TNRC6C: variants seen among roughly 807,000 people sequenced by gnomAD.
TNRC6C encodes the protein trinucleotide repeat-containing gene 6C protein.
Under a neutral mutation model 153.7 loss-of-function variants are expected in TNRC6C, and 20 were observed. The ratio of observed to expected loss-of-function variants is 0.13; its 90% confidence interval spans 0.09 to 0.19. The LOEUF (loss-of-function observed/expected upper bound fraction) is 0.19, where lower values mean the gene tolerates loss of function less well. TNRC6C is among the 10% of genes least tolerant of loss of function. TNRC6C has a pLI of 1.00. For missense variants in TNRC6C, 1,987 were observed against 2,172.0 expected (o/e 0.91, Z 1.69); for synonymous variants, 811 against 841.4 (o/e 0.96, Z 0.63).
chr17:78,068,981 G>A (rs1011128455), intron 5 of TNRC6C, among the ~76,000 whole-genome samples: 1 of 151,986 alleles, frequency 6.6e-6, no homozygotes, highest in African/African-American at 2.4e-5. Flanking sequence ...ATGAAAACAT[G>A]AAAGAACATT....
intron 5 of TNRC6C, among the ~76,000 whole-genome samples, chr17:78,070,660 C>T (rs1483761069): frequency 6.6e-6 from 1 of 152,106 alleles, no homozygotes; most frequent in African/African-American, 2.4e-5. Context: ...TGCCTCTTTA[C>T]TCATTGGAAT....
In TNRC6C at chr17:77,980,857, TG is replaced by T. The variant is rs374677898; in HGVS notation, c.-38+21595del. Among the ~76,000 whole-genome samples the T allele has an allele frequency of 8.6e-3, 1,309 of 152,280 alleles. 13 individuals are homozygous for T. Among genetic ancestry groups the T allele is most frequent in the South Asian group, 0.037 (180 of 4,826 alleles). Reference sequence around the variant, plus strand: ...ATGAAGAAATGCCTAGAACAAGGTATGGGGGGTGGGTGCTTCCATGCCCTCT... The same window carrying T: ...ATGAAGAAATGCCTAGAACAAGGTATGGGGGTGGGTGCTTCCATGCCCTCT... On this transcript the variant is annotated intron_variant, in intron 1 of 22. Coordinates refer to the TNRC6C transcript ENST00000636222.
chr17:78,061,070 T>A (rs968387078), intron 3 of TNRC6C, among the ~76,000 whole-genome samples: 1 of 152,208 alleles, frequency 6.6e-6, no homozygotes, highest in African/African-American at 2.4e-5. Context: ...AAACTACATA[T>A]CCTGGCTGTG....
intron 16 of TNRC6C, 58 bp from the exon 19 acceptor site, chr17:78,097,687 A>T: frequency 1.6e-6 from 2 of 1,241,140 alleles, no homozygotes; most frequent in Non-Finnish European, 2.2e-6. Context: ...CCCCACAGTT[A>T]GAGTCATGAA....
At chr17:78,091,583 C>G (rs764328133) in exon 14 of TNRC6C, 1 of 1,574,248 alleles carries the variant, frequency 6.4e-7, no homozygotes, top group East Asian at 2.4e-5. Context: ...CGCTTCCCCC[C>G]TGGAGCAGAA....
chr17:77,959,802 C>T (rs1354422218), intron 1 of TNRC6C, among the ~76,000 whole-genome samples: 1 of 152,142 alleles, frequency 6.6e-6, no homozygotes, highest in Non-Finnish European at 1.5e-5. Context: ...GGAAAACGAG[C>T]CGTACAACAT....
upstream of TNRC6C, among the ~76,000 whole-genome samples, chr17:77,958,030 G>GC (rs148567329): frequency 0.013 from 2,013 of 152,332 alleles, 39 homozygotes; most frequent in African/African-American, 0.046. Flanking sequence ...GCGACTGAGC[G>GC]CAAGGGCGGG....
chr17:78,103,552 A>G, exon 19 of TNRC6C: 3 of 1,613,930 alleles, frequency 1.9e-6, no homozygotes, highest in Non-Finnish European at 2.5e-6. Context: ...GTCTCTGCAC[A>G]TGTATGTTTT....
At chr17:78,021,848 G>A (rs1279785613) in intron 1 of TNRC6C, among the ~76,000 whole-genome samples, 1 of 152,176 alleles carries the variant, frequency 6.6e-6, no homozygotes, top group Non-Finnish European at 1.5e-5. Flanking sequence ...GGGATTAAAG[G>A]TGTGAGCCAC....
intron 11 of TNRC6C, among the ~76,000 whole-genome samples, chr17:78,084,733 A>G (rs755734413): frequency 6.6e-6 from 1 of 151,564 alleles, no homozygotes; most frequent in African/African-American, 2.4e-5. Flanking sequence ...GGTTCAAGCA[A>G]TTCTCCTGTC....
chr17:78,022,400 A>G (rs771101393), intron 1 of TNRC6C, among the ~76,000 whole-genome samples: 3 of 152,224 alleles, frequency 2.0e-5, no homozygotes, highest in South Asian at 2.1e-4. Flanking sequence ...ACATTCATCT[A>G]TGATTTGCTT....
intron 1 of TNRC6C, among the ~76,000 whole-genome samples, chr17:77,998,130 A>G (rs2071358464): frequency 2.6e-5 from 4 of 152,140 alleles, no homozygotes; most frequent in Non-Finnish European, 4.4e-5. Context: ...CTGTCGCCCA[A>G]CAAAACAACT....
At chr17:78,008,062 G>A (rs1043295928) in intron 1 of TNRC6C, among the ~76,000 whole-genome samples, 29 of 152,012 alleles carry the variant, frequency 1.9e-4, no homozygotes, top group African/African-American at 4.1e-4. Flanking sequence ...AGTCTAATCC[G>A]TTCTTAATAG....
upstream of TNRC6C, among the ~76,000 whole-genome samples, chr17:77,958,157 G>GCGGGCGC (rs529324467): frequency 0.011 from 1,706 of 152,034 alleles, 37 homozygotes; most frequent in African/African-American, 0.038. Context: ...GCGCGCCGGT[G>GCGGGCGC]CGGGCGCCGG....
intron 1 of TNRC6C, among the ~76,000 whole-genome samples, chr17:78,031,002 G>A (rs2072061725): frequency 6.6e-6 from 1 of 152,178 alleles, no homozygotes; most frequent in Non-Finnish European, 1.5e-5. Flanking sequence ...TGGAGGCTGA[G>A]GCAGGAAGAT....
chr17:77,964,501 T>G lies in TNRC6C; in HGVS notation c.-38+5233T>G, dbSNP rs991563601. Among the ~76,000 whole-genome samples, 3 of 152,348 alleles carry G rather than the reference T, an allele frequency of 2.0e-5. No homozygotes were observed. The East Asian group carries it at 5.8e-4, about 29-fold the overall frequency. On this transcript the variant is annotated intron_variant, in intron 1 of 22. Coordinates refer to the TNRC6C transcript ENST00000636222. ...TTCATTTTATGTGTGCCTTCTAGCT[T>G]ATTAAGAATAAGATCTCTCACAGCT...
At chr17:78,017,796 C>G (rs1244969526) in intron 1 of TNRC6C, among the ~76,000 whole-genome samples, 1 of 152,210 alleles carries the variant, frequency 6.6e-6, no homozygotes, top group Non-Finnish European at 1.5e-5. Flanking sequence ...AAGCTCTTTT[C>G]CATTTCAGGG....
intron 1 of TNRC6C, among the ~76,000 whole-genome samples, chr17:77,992,850 T>C (rs1303917418): frequency 6.6e-6 from 1 of 152,202 alleles, no homozygotes; most frequent in Admixed American, 6.5e-5. Flanking sequence ...GAGAGAGGAA[T>C]TGAATCAAAT....
chr17:78,078,858 C>T (rs979316374), intron 9 of TNRC6C, among the ~76,000 whole-genome samples: 8 of 151,886 alleles, frequency 5.3e-5, no homozygotes, highest in South Asian at 4.2e-4. Flanking sequence ...TTTGGGAGGC[C>T]GAGGCAGGTG....
Sources: gnomAD v4.1 joint callset for allele counts (sites outside exome capture counted in the v4.1 genomes callset) on GRCh38, gnomAD v4.1.1 for gene constraint, MANE v1.5 for transcripts, NCBI Gene and HGNC (gene_info 2026-07-23, HGNC 2026-07-21) for gene names.